Variants in PCP2 observed in about 807,000 individuals in gnomAD.
PCP2 encodes the protein Purkinje cell protein 2 homolog.
PCP2 carries 21 observed loss-of-function variants against 18.3 expected under a neutral mutation model. That is an observed-to-expected ratio of 1.14 (90% CI 0.81 to 1.65). PCP2 has a LOEUF of 1.65. PCP2 is among the 40% of genes most tolerant of loss of function. The probability of loss-of-function intolerance (pLI) is 0.00; values close to 1 mark genes in which losing one functional copy is unlikely to be tolerated. For missense variants in PCP2, 202 were observed against 201.8 expected (o/e 1.00, Z 0.00); for synonymous variants, 85 against 77.6 (o/e 1.10, Z -0.50).
At chr19:7,635,132 T>C (rs929594394), upstream of PCP2, among the ~76,000 whole-genome samples, 1 of 152,178 alleles carries the variant, frequency 6.6e-6, no homozygotes, top group Admixed American at 6.5e-5. Context: ...TGGCTGGCCC[T>C]AACAGCTCTC....
intron 1 of PCP2, chr19:7,633,102 G>T: frequency 9.0e-7 from 1 of 1,112,996 alleles, no homozygotes; most frequent in Non-Finnish European, 1.2e-6. Flanking sequence ...GTGTCCCGCC[G>T]TCCTAGATTG....
chr19:7,636,958 G>C, upstream of PCP2: 2 of 484,784 alleles, frequency 4.1e-6, no homozygotes, highest in East Asian at 3.6e-5. Context: ...TCGGCAGCGC[G>C]GACGCACCTG....
upstream of PCP2, among the ~76,000 whole-genome samples, chr19:7,635,275 GA>G (rs2031483059): frequency 6.6e-6 from 1 of 152,194 alleles, no homozygotes; most frequent in African/African-American, 2.4e-5. Context: ...AGGGGTTGTG[GA>G]AATGTTCTAA....
intron 1 of PCP2, 180 bp from the exon 2 acceptor site, chr19:7,633,010 C>T: frequency 7.0e-7 from 1 of 1,432,932 alleles, no homozygotes; most frequent in Non-Finnish European, 9.1e-7. Context: ...GAGTCTCCTT[C>T]CCAATCCCGG....
upstream of PCP2, chr19:7,636,321 C>G (rs556410405): frequency 1.6e-4 from 24 of 152,298 alleles, no homozygotes; most frequent in East Asian, 4.6e-3. Context: ...GCTGTGCCTT[C>G]CAAGCGACAG....
In PCP2 at chr19:7,632,696, A is replaced by AC; in HGVS notation, c.166+19dup. 6.5e-7 allele frequency: 1 copy of AC among 1,545,128 alleles called. No individual in the cohort carries two copies. Among genetic ancestry groups the AC allele is most frequent in the Non-Finnish European group, 8.7e-7 (1 of 1,151,138 alleles). On this transcript the variant is annotated intron_variant, in intron 2 of 3. Coordinates refer to ENST00000311069, the MANE Select transcript of PCP2 (RefSeq NM_174895.3). This position sits in a 1 kb window ranked among gnomAD's most constrained non-coding sequence, Gnocchi z 5.2. ...ACCCCGTTCACGCCCCATGGACAGC[A>AC]CCCCCGTGCCCATGCTCACGGCTCT...
At position 7,632,804 on chromosome 19, in the gene PCP2, G is replaced by A; in HGVS notation, c.78C>T (p.Phe26=). ...CCTGCACGTGGCTCAGCAGATTGAA[G>A]AAGCCCTCCTGGTCTGGGGAGCCCG... The part of the protein sequence containing the change: ...AEAGSPDQEG[F]FNLLSHVQGD... The change falls in exon 2 of 4, where the codon TTC becomes TTT. Residue 26 remains phenylalanine (F), a synonymous_variant. Coordinates refer to ENST00000311069, the MANE Select transcript of PCP2 (RefSeq NM_174895.3). This position sits in a 1 kb window ranked among gnomAD's most constrained non-coding sequence, Gnocchi z 5.2. 6.4e-7 allele frequency: 1 copy of A among 1,560,394 alleles called. No individual in the cohort carries two copies. The highest frequency in any genetic ancestry group is 8.7e-7 in the Non-Finnish European group (1 of 1,155,250).
upstream of PCP2, among the ~76,000 whole-genome samples, chr19:7,635,520 T>C (rs146440985): frequency 9.4e-3 from 1,429 of 152,120 alleles, 24 homozygotes; most frequent in African/African-American, 0.031. Context: ...CATAGGGAGA[T>C]CCTGTCTCTT....
chr19:7,634,673 A>G (rs11672074), upstream of PCP2, among the ~76,000 whole-genome samples: 1 of 151,764 alleles, frequency 6.6e-6, no homozygotes, highest in African/African-American at 2.4e-5. Context: ...CTGAGCCTTT[A>G]AAATTTTTTT....
chr19:7,636,088 T>C (rs1393681767), upstream of PCP2, among the ~76,000 whole-genome samples: 1 of 152,146 alleles, frequency 6.6e-6, no homozygotes, highest in Non-Finnish European at 1.5e-5. Context: ...GTGGCACTTG[T>C]TGTCACATTA....
chr19:7,632,391 A>G lies in PCP2; in HGVS notation c.291+2T>C, dbSNP rs758039422. The G allele has an allele frequency of 1.2e-6, 2 of 1,613,508 alleles. No individual in the cohort carries two copies. Among genetic ancestry groups the G allele is most frequent in the African/African-American group, 1.3e-5 (1 of 74,874 alleles). On this transcript the variant is annotated splice_donor_variant, in intron 3 of 3. Coordinates refer to ENST00000311069, the MANE Select transcript of PCP2 (RefSeq NM_174895.3). LOFTEE classifies it high-confidence loss of function. This position sits in a 1 kb window ranked among gnomAD's most constrained non-coding sequence, Gnocchi z 5.2. ...CCTCGACATCGCCAGAACATCACCT[A>G]CCTTGGACCCCACGGGCTGGAAGCC...
At chr19:7,633,299 G>A (rs1050619912) in intron 1 of PCP2, 108 bp downstream of exon 1, 12 of 1,139,870 alleles carry the variant, frequency 1.1e-5, no homozygotes, top group Non-Finnish European at 1.5e-5. Context: ...CTGGGTCAGG[G>A]GGTCCTAGGA....
chr19:7,636,898 T>C, upstream of PCP2: 1 of 388,922 alleles, frequency 2.6e-6, no homozygotes. Flanking sequence ...GTGTCTGAAC[T>C]CCCATCTGTG....
chr19:7,635,163 C>T (rs117165461), upstream of PCP2, among the ~76,000 whole-genome samples: 4 of 152,192 alleles, frequency 2.6e-5, no homozygotes, highest in Non-Finnish European at 5.9e-5. Flanking sequence ...AGGGGTCAGG[C>T]TGAGAAGCTG....
Position 7,632,065 on chromosome 19 carries a change from T to C in PCP2, c.292-257A>G, listed in dbSNP as rs1275659651. 3.7e-6 allele frequency: 2 copies of C among 544,300 alleles called. No individual in the cohort carries two copies. Among genetic ancestry groups the C allele is most frequent in the Admixed American group, 3.4e-5 (1 of 29,456 alleles). 33.7% of individuals were successfully genotyped at this position (544,300 alleles called of 1,614,324 possible). ...GTCAACAGATGTGAGTATACAGATG[T>C]ATATATCCTATGTGTGAGCTTACGT... On this transcript the variant is annotated intron_variant, in intron 3 of 3. Transcript: ENST00000311069. This position sits in a 1 kb window ranked among gnomAD's most constrained non-coding sequence, Gnocchi z 5.2.
rs542114636 is a variant in PCP2, at chr19:7,632,049, T to C, written c.292-241A>G. On this transcript the variant is annotated intron_variant, in intron 3 of 3. Transcript: ENST00000311069. This position sits in a 1 kb window ranked among gnomAD's most constrained non-coding sequence, Gnocchi z 5.2. ...TTCGTGTATGTGTGAAGTCAACAGATGTGAGTATACAGATGTATATATCCT... is the reference window on the plus strand; with the variant it reads ...TTCGTGTATGTGTGAAGTCAACAGACGTGAGTATACAGATGTATATATCCT... The C allele has an allele frequency of 2.8e-5, 14 of 498,366 alleles. No homozygotes were observed. The South Asian group carries it at 5.1e-4, about 18-fold the overall frequency. The allele number at this position is 498,366 out of a possible 1,614,324, so 30.9% of individuals were successfully genotyped here.
Position 7,633,412 on chromosome 19 carries a change from C to T in PCP2, c.46G>A (p.Ala16Thr), listed in dbSNP as rs760816737. 3.8e-6 allele frequency: 6 copies of T among 1,570,764 alleles called. No individual in the cohort carries two copies. In the African/African-American group the frequency reaches 4.1e-5, roughly 11 times the overall value. Reference protein sequence around the residue: ...EKTEEGSGPCAEAGSPDQEGF... With the variant: ...EKTEEGSGPCTEAGSPDQEGF... ...TGGGGGCAGGGCCCTCTCACCTCGG[C>T]ACAGGGGCCTGAGCCTTCCTCCGTC... The change falls in exon 1 of 4, where the codon GCC becomes ACC. Residue 16 changes from alanine to threonine, a missense_variant. Ala to Thr is a moderately conservative substitution (Grantham distance 58). Coordinates refer to ENST00000311069, the MANE Select transcript of PCP2 (RefSeq NM_174895.3).
upstream of PCP2, among the ~76,000 whole-genome samples, chr19:7,634,087 A>G (rs985258180): frequency 6.6e-6 from 1 of 152,086 alleles, no homozygotes; most frequent in Non-Finnish European, 1.5e-5. Context: ...CCAAAACAAG[A>G]AAGTCTGGGG....
chr19:7,636,792 A>C, upstream of PCP2: 1 of 248,122 alleles, frequency 4.0e-6, no homozygotes, highest in South Asian at 1.7e-4. Flanking sequence ...GGTGGCATCG[A>C]GTGGGTGCCG....
Sources: gnomAD v4.1 joint callset for allele counts (sites outside exome capture counted in the v4.1 genomes callset) on GRCh38, gnomAD v4.1.1 for gene constraint, Gnocchi (gnomAD v3.1) non-coding constraint, MANE v1.5 for transcripts, NCBI Gene and HGNC (gene_info 2026-07-23, HGNC 2026-07-21) for gene names.